ABHD12: variants seen among roughly 807,000 people sequenced by gnomAD.
ABHD12 encodes the protein lysophosphatidylserine lipase ABHD12.
A neutral mutation model predicts 58.3 loss-of-function variants in ABHD12; 43 were observed. That is an observed-to-expected ratio of 0.74 (90% CI 0.58 to 0.95). The LOEUF is 0.95. Ranked by LOEUF, ABHD12 falls within the 40% of genes least tolerant of loss-of-function variation. The pLI is 0.00. For missense variants in ABHD12, 539 were observed against 537.2 expected, an observed-to-expected ratio of 1.00 and a Z score of -0.03; for synonymous variants, 219 against 211.2, an observed-to-expected ratio of 1.04 and a Z score of -0.32.
intron 1 of ABHD12, 30 bp downstream of exon 1, chr20:25,390,477 GCCCCCC>G: frequency 2.0e-5 from 2 of 98,530 alleles, no homozygotes; most frequent in Non-Finnish European, 2.7e-5. Context: ...TGAGGGACCG[GCCCCCC>G]CCCCCCCCCC....
intron 1 of ABHD12, among the ~76,000 whole-genome samples, chr20:25,374,715 G>A (rs574621727): frequency 6.6e-6 from 1 of 152,226 alleles, no homozygotes; most frequent in South Asian, 2.1e-4. Context: ...GGTCAGGCTG[G>A]TCTCAAACTC....
At position 25,390,688 on chromosome 20, in the gene ABHD12, CG is replaced by C; in HGVS notation, c.15del (p.Glu6SerfsTer31). On this transcript the variant is annotated frameshift_variant, in exon 1 of 13. Transcript: ENST00000339157. LOFTEE classifies it high-confidence loss of function. ...CGCTCATGCTCCAAGGCGACGGGCT[CG>C]GTCCGCTTCCTCATCCCGCGGCCGA... The part of the protein sequence containing the change: MRKR[T>X]EPVALEHERC... 7.1e-7 allele frequency: 1 copy of C among 1,411,040 alleles called. No homozygotes were observed. Among genetic ancestry groups the C allele is most frequent in the Non-Finnish European group, 9.2e-7 (1 of 1,082,142 alleles). The allele number at this position is 1,411,040 out of a possible 1,614,324, so 87.4% of individuals were successfully genotyped here.
chr20:25,381,721 C>T (rs1185652596), intron 1 of ABHD12, among the ~76,000 whole-genome samples: 1 of 152,024 alleles, frequency 6.6e-6, no homozygotes, highest in African/African-American at 2.4e-5. Flanking sequence ...TCACTGCAGC[C>T]TCCACCTCCT....
rs139135254 is a variant in ABHD12, at chr20:25,302,228, C to G, written c.1148G>C (p.Arg383Pro). 3.1e-6 allele frequency: 5 copies of G among 1,613,362 alleles called. No homozygotes were observed. Among genetic ancestry groups the G allele is most frequent in the Non-Finnish European group, 4.2e-6 (5 of 1,179,940 alleles). The change falls in exon 12 of 13, where the codon CGG (arginine) becomes CCG (proline). Residue 383 changes from arginine to proline, a missense_variant. Transcript: ENST00000339157. Reference sequence around the variant, plus strand: ...GAAGAGAATGTCTCACCTCAGTATCCGTGGCAGCTCAGGGCTCTTGTAAAT... The same window carrying G: ...GAAGAGAATGTCTCACCTCAGTATCGGTGGCAGCTCAGGGCTCTTGTAAAT... ...KYIYKSPELP[R>P]ILREFLGKSE...
At chr20:25,374,665 G>C (rs2089940503) in intron 1 of ABHD12, among the ~76,000 whole-genome samples, 1 of 152,106 alleles carries the variant, frequency 6.6e-6, no homozygotes, top group Non-Finnish European at 1.5e-5. Context: ...GGCTAATTTT[G>C]TAATTTTAGT....
At chr20:25,337,212 G>A (rs1362855716) in intron 2 of ABHD12, among the ~76,000 whole-genome samples, 1 of 152,212 alleles carries the variant, frequency 6.6e-6, no homozygotes, top group African/African-American at 2.4e-5. Flanking sequence ...GCTGCAGTGA[G>A]CCGTGATCAT....
chr20:25,379,581 A>G (rs1199536121), intron 1 of ABHD12, among the ~76,000 whole-genome samples: 1 of 151,532 alleles, frequency 6.6e-6, no homozygotes, highest in South Asian at 2.1e-4. Flanking sequence ...CACTGCACCT[A>G]CTCTGTCCCA....
chr20:25,386,333 G>A (rs2090090129), intron 1 of ABHD12, among the ~76,000 whole-genome samples: 2 of 148,222 alleles, frequency 1.3e-5, no homozygotes, highest in South Asian at 2.1e-4. Context: ...ATCTGGGCTC[G>A]CTGCAAGCTC....
chr20:25,300,944 C>T, intron 12 of ABHD12, 60 bp from the exon 13 acceptor site: 1 of 1,546,098 alleles, frequency 6.5e-7, no homozygotes, highest in Non-Finnish European at 8.9e-7. Context: ...TCCTTCTCCA[C>T]AGTCCTCACA....
At chr20:25,314,731 G>A (rs368197196) in intron 6 of ABHD12, among the ~76,000 whole-genome samples, 194 bp downstream of exon 6, 69 of 151,820 alleles carry the variant, frequency 4.5e-4, no homozygotes, top group African/African-American at 1.6e-3. Flanking sequence ...GGCTCCAGGT[G>A]CTGAGCCTCC....
intron 7 of ABHD12, among the ~76,000 whole-genome samples, chr20:25,309,145 C>G (rs2145934729): frequency 6.6e-6 from 1 of 152,250 alleles, no homozygotes; most frequent in South Asian, 2.1e-4. Context: ...AGCAAACCAC[C>G]CACTGTGCCC....
chr20:25,357,309 T>C (rs2089681751), intron 1 of ABHD12, among the ~76,000 whole-genome samples: 1 of 152,204 alleles, frequency 6.6e-6, no homozygotes, highest in African/African-American at 2.4e-5. Flanking sequence ...TCTCTCACCA[T>C]GTTGTGTCAG....
At chr20:25,380,348 A>T (rs2090008111) in intron 1 of ABHD12, among the ~76,000 whole-genome samples, 1 of 152,156 alleles carries the variant, frequency 6.6e-6, no homozygotes, top group South Asian at 2.1e-4. Context: ...ATATCACATA[A>T]CTATCATAAT....
At chr20:25,296,615 G>T (rs1053164781), downstream of ABHD12, 2 of 1,465,110 alleles carry the variant, frequency 1.4e-6, no homozygotes, top group South Asian at 1.3e-5. Context: ...GCCACTGGTG[G>T]TCCCTGCTTT....
intron 1 of ABHD12, among the ~76,000 whole-genome samples, chr20:25,351,069 A>G (rs985620269): frequency 6.6e-6 from 1 of 152,034 alleles, no homozygotes. Context: ...TCTCTCTTAG[A>G]GTATTGCCAT....
chr20:25,389,108 T>C (rs2090135433), intron 1 of ABHD12, among the ~76,000 whole-genome samples: 1 of 152,208 alleles, frequency 6.6e-6, no homozygotes, highest in African/African-American at 2.4e-5. Context: ...GCCCGGCAAT[T>C]TGATTTTTTC....
chr20:25,390,628 C>T lies in ABHD12; in HGVS notation c.76G>A (p.Ala26Thr). Residue 26 changes from alanine (A) to threonine (T), a missense_variant, in exon 1 of 13, where the codon GCC becomes ACC. Coordinates refer to ENST00000339157, the MANE Select transcript of ABHD12 (RefSeq NM_001042472.3). ...AAAGSSSSGS[A>T]AAALDADCRL... is the part of the protein sequence containing the mutation. ...CAGTCGGCGTCCAGCGCCGCGGCGG[C>T]CGAGCCGGAGGAGGACGAGCCCGCG... 1 of 1,458,928 alleles carries T rather than the reference C, an allele frequency of 6.9e-7. No individual in the cohort carries two copies. The highest frequency in any genetic ancestry group is 9.0e-7 in the Non-Finnish European group (1 of 1,110,762). The allele number at this position is 1,458,928 out of a possible 1,614,324, so 90.4% of individuals were successfully genotyped here. A position where few individuals can be genotyped will look rare whatever the true frequency, so the allele number is the denominator to read the frequency against.
downstream of ABHD12, among the ~76,000 whole-genome samples, chr20:25,296,093 TC>T (rs373405597): frequency 1.1e-3 from 175 of 152,202 alleles, 1 homozygote; most frequent in African/African-American, 4.0e-3. Flanking sequence ...CCTGGTGCTA[TC>T]CCTATCGTCG....
intron 10 of ABHD12, among the ~76,000 whole-genome samples, chr20:25,304,071 TGATA>T (rs1464739194): frequency 6.6e-6 from 1 of 152,262 alleles, no homozygotes; most frequent in African/African-American, 2.4e-5. Flanking sequence ...TCAGTAGGTT[TGATA>T]GATCCAAATC....
Sources: allele counts gnomAD v4.1 joint callset (sites outside exome capture counted in the v4.1 genomes callset), GRCh38; gene constraint gnomAD v4.1.1; transcripts MANE v1.5; gene names NCBI Gene and HGNC (gene_info 2026-07-23, HGNC 2026-07-21).